EDIL3: variants seen among roughly 807,000 people sequenced by gnomAD.
The protein encoded by EDIL3 is EGF like and discoidin domains 3.
Under a neutral mutation model 67.4 loss-of-function variants are expected in EDIL3, and 37 were observed. The ratio of observed to expected loss-of-function variants is 0.55; its 90% CI spans 0.42 to 0.72. EDIL3 has a LOEUF of 0.72. EDIL3 is among the 30% of genes least tolerant of loss of function. The pLI is 0.00. For missense variants in EDIL3, 527 were observed against 586.3 expected (o/e 0.90, Z 1.04); for synonymous variants, 195 against 196.3 (o/e 0.99, Z 0.05).
chr5:84,127,738 C>T (rs1300503344), intron 5 of EDIL3, among the ~76,000 whole-genome samples: 3 of 151,634 alleles, frequency 2.0e-5, no homozygotes, highest in Non-Finnish European at 4.4e-5. Flanking sequence ...TTATTTTTTT[C>T]GTACCTTTGC....
At chr5:84,256,119 A>ACTATCTATCTATCTATCTATCTAT (rs1554038574) in intron 1 of EDIL3, among the ~76,000 whole-genome samples, 2 of 147,012 alleles carry the variant, frequency 1.4e-5, no homozygotes, top group African/African-American at 5.1e-5. Context: ...TTATCATCTA[A>ACTATCTATCTATCTATCTATCTAT]CTATCTATCT....
chr5:84,373,496 T>C (rs1391953456), intron 1 of EDIL3, among the ~76,000 whole-genome samples: 5 of 152,312 alleles, frequency 3.3e-5, no homozygotes, highest in African/African-American at 1.2e-4. Flanking sequence ...CTTTCAGCCC[T>C]TCCAGGATCT....
intron 1 of EDIL3, among the ~76,000 whole-genome samples, chr5:84,382,470 A>G (rs1178669270): frequency 2.6e-5 from 4 of 151,956 alleles, no homozygotes; most frequent in Admixed American, 1.3e-4. Context: ...CTTCTCCTCT[A>G]CCCCGCGCCG....
At chr5:84,234,568 C>T (rs1744643586) in intron 2 of EDIL3, among the ~76,000 whole-genome samples, 1 of 152,086 alleles carries the variant, frequency 6.6e-6, no homozygotes, top group Admixed American at 6.6e-5. Context: ...TTGTCTGTTT[C>T]ATTTTTGAGT....
At chr5:84,302,419 C>G (rs1746180073) in intron 1 of EDIL3, among the ~76,000 whole-genome samples, 1 of 152,128 alleles carries the variant, frequency 6.6e-6, no homozygotes, top group African/African-American at 2.4e-5. Flanking sequence ...GCCTCAGTCT[C>G]TCGAGTAGCT....
chr5:84,174,856 C>T (rs1188653578), intron 4 of EDIL3, among the ~76,000 whole-genome samples: 1 of 152,138 alleles, frequency 6.6e-6, no homozygotes, highest in African/African-American at 2.4e-5. Flanking sequence ...GCTGCCACAT[C>T]TGGCAGCAAT....
chr5:83,952,784 G>A (rs1394567612), intron 10 of EDIL3, among the ~76,000 whole-genome samples: 1 of 151,828 alleles, frequency 6.6e-6, no homozygotes, highest in African/African-American at 2.4e-5. Flanking sequence ...TGTGGCAGTA[G>A]AGAAATTGGT....
intron 2 of EDIL3, among the ~76,000 whole-genome samples, chr5:84,247,689 A>C (rs1248222784): frequency 6.6e-6 from 1 of 152,106 alleles, no homozygotes; most frequent in Non-Finnish European, 1.5e-5. Flanking sequence ...GTTTCTATGG[A>C]ATATGATAGG....
At chr5:84,194,477 T>C (rs573065277) in intron 3 of EDIL3, among the ~76,000 whole-genome samples, 133 of 152,078 alleles carry the variant, frequency 8.7e-4, no homozygotes, top group Non-Finnish European at 1.6e-3. Flanking sequence ...ACATTATTAC[T>C]TGTGTAAAAA....
chr5:84,242,936 T>G (rs1362297861), intron 2 of EDIL3, among the ~76,000 whole-genome samples: 1 of 152,054 alleles, frequency 6.6e-6, no homozygotes, highest in Non-Finnish European at 1.5e-5. Flanking sequence ...GGAACAAAAT[T>G]GTAGGTTTAA....
At chr5:84,029,562 A>G (rs900987709) in intron 9 of EDIL3, among the ~76,000 whole-genome samples, 3 of 152,234 alleles carry the variant, frequency 2.0e-5, no homozygotes, top group African/African-American at 7.2e-5. Context: ...ATAAAAGCAT[A>G]AAAATGAAAA....
intron 9 of EDIL3, among the ~76,000 whole-genome samples, chr5:84,021,222 G>A (rs955366943): frequency 6.6e-6 from 1 of 150,714 alleles, no homozygotes; most frequent in African/African-American, 2.4e-5. Flanking sequence ...ATTTTGTTTA[G>A]TTCTGCTTTT....
chr5:84,199,223 G>T (rs1725574820), intron 3 of EDIL3, among the ~76,000 whole-genome samples: 1 of 151,572 alleles, frequency 6.6e-6, no homozygotes, highest in Non-Finnish European at 1.5e-5. Context: ...ATTTGTTTTT[G>T]CCTTTGTCCT....
chr5:84,375,100 T>A (rs746035931), intron 1 of EDIL3, among the ~76,000 whole-genome samples: 11 of 151,932 alleles, frequency 7.2e-5, no homozygotes, highest in Non-Finnish European at 1.6e-4. Context: ...GCCTCCTGAG[T>A]AGCTGGGACT....
chr5:84,137,415 A>C, intron 4 of EDIL3, 61 bp from the exon 5 acceptor site: 3 of 1,458,296 alleles, frequency 2.1e-6, no homozygotes, highest in Non-Finnish European at 2.8e-6. Flanking sequence ...TAGATATTGG[A>C]AAGTTTTAAC....
intron 9 of EDIL3, among the ~76,000 whole-genome samples, chr5:84,040,485 T>G (rs2112212819): frequency 6.7e-6 from 1 of 149,106 alleles, no homozygotes; most frequent in South Asian, 2.1e-4. Context: ...AATTTAATTA[T>G]ATATATAAAG....
intron 1 of EDIL3, among the ~76,000 whole-genome samples, chr5:84,349,218 G>C (rs557318517): frequency 4.5e-4 from 68 of 152,148 alleles, no homozygotes; most frequent in Non-Finnish European, 8.5e-4. Flanking sequence ...CAGTGCATCG[G>C]ATTTTTCCGC....
intron 3 of EDIL3, among the ~76,000 whole-genome samples, chr5:84,210,020 T>G (rs941001073): frequency 4.6e-5 from 7 of 152,210 alleles, no homozygotes; most frequent in African/African-American, 1.7e-4. Flanking sequence ...AAGAAAGTTT[T>G]CAAAGTATAA....
intron 6 of EDIL3, among the ~76,000 whole-genome samples, chr5:84,068,377 T>A (rs1429981717): frequency 2.6e-5 from 4 of 152,194 alleles, no homozygotes; most frequent in Admixed American, 2.6e-4. Context: ...CCTTTTTCAA[T>A]TATCTTTTAT....
Sources: allele counts gnomAD v4.1 joint callset (sites outside exome capture counted in the v4.1 genomes callset), GRCh38; gene constraint gnomAD v4.1.1; transcripts MANE v1.5; gene names NCBI Gene and HGNC (gene_info 2026-07-23, HGNC 2026-07-21).